SLC25A48: variants seen among roughly 807,000 people sequenced by gnomAD.
The protein encoded by SLC25A48 is CTC-321K16.1.
A neutral mutation model predicts 32.2 loss-of-function variants in SLC25A48; 29 were observed. That is an observed-to-expected ratio of 0.90 (90% CI 0.67 to 1.23). The LOEUF (loss-of-function observed/expected upper bound fraction) is 1.23. Among genes scored for constraint, SLC25A48 ranks in the 50% most tolerant of loss-of-function variants. SLC25A48 has a pLI of 0.00. For synonymous variants in SLC25A48, 164 were observed against 172.3 expected (o/e 0.95, Z 0.38); for missense variants, 399 against 422.7 (o/e 0.94, Z 0.49).
intron 3 of SLC25A48, among the ~76,000 whole-genome samples, chr5:135,697,644 G>A (rs556941638): frequency 2.0e-5 from 3 of 152,278 alleles, no homozygotes; most frequent in African/African-American, 7.2e-5. Context: ...CTACATAACG[G>A]GAAGGTAGAC....
chr5:135,729,441 G>A (rs995028616), intron 3 of SLC25A48, among the ~76,000 whole-genome samples: 1 of 152,038 alleles, frequency 6.6e-6, no homozygotes, highest in Non-Finnish European at 1.5e-5. Flanking sequence ...TCTGAATGTG[G>A]CATTTGTTAG....
At chr5:135,825,865 A>T (rs777136481) in intron 4 of SLC25A48, 2 of 152,124 alleles carry the variant, frequency 1.3e-5, no homozygotes, top group Non-Finnish European at 2.9e-5. Flanking sequence ...CTGCCTTTCC[A>T]TCTGGGAGCC....
In SLC25A48 at chr5:135,886,605, AT is replaced by A. The variant is rs1203841294; in HGVS notation, c.*8-1426del. ...TTTAACCAAATATATATATATATAT[AT>A]ATATATATATATATATATATATATA... On this transcript the variant is annotated intron_variant, in intron 7 of 7. Coordinates refer to ENST00000681962, the MANE Select transcript of SLC25A48 (RefSeq NM_001349336.2). Among the ~76,000 whole-genome samples, 47 of 19,180 alleles carry A rather than the reference AT, an allele frequency of 2.5e-3. 4 individuals are homozygous for A. In the Middle Eastern group the frequency reaches 0.083, roughly 34 times the overall value. 12.6% of individuals were successfully genotyped at this position (19,180 alleles called of 152,430 possible). A position where few individuals can be genotyped will look rare whatever the true frequency, so the allele number is the denominator to read the frequency against.
intron 3 of SLC25A48, among the ~76,000 whole-genome samples, chr5:135,654,250 G>T (rs1753190237): frequency 6.6e-6 from 1 of 152,176 alleles, no homozygotes; most frequent in Admixed American, 6.5e-5. Context: ...GTTTAAAATT[G>T]CAACTGTAGC....
intron 3 of SLC25A48, among the ~76,000 whole-genome samples, chr5:135,637,219 C>T (rs1346551402): frequency 6.6e-6 from 1 of 152,174 alleles, no homozygotes; most frequent in Non-Finnish European, 1.5e-5. Context: ...GGTGAAACAA[C>T]CTACACAGTG....
intron 4 of SLC25A48, among the ~76,000 whole-genome samples, chr5:135,827,786 A>G (rs1758102430): frequency 1.4e-5 from 2 of 147,446 alleles, no homozygotes; most frequent in Admixed American, 1.3e-4. Context: ...GTTGGGAGGT[A>G]TCCAACCCTC....
intron 4 of SLC25A48, among the ~76,000 whole-genome samples, chr5:135,821,326 G>A (rs954475742): frequency 1.3e-5 from 2 of 152,226 alleles, no homozygotes; most frequent in Non-Finnish European, 2.9e-5. Context: ...CTGCCAGCAA[G>A]TGACTGGAGA....
At chr5:135,768,952 C>T (rs776350743) in intron 3 of SLC25A48, among the ~76,000 whole-genome samples, 33 of 151,612 alleles carry the variant, frequency 2.2e-4, no homozygotes, top group African/African-American at 2.9e-4. Flanking sequence ...TGATATTGTT[C>T]GTAATATTCA....
rs1471966137 is a variant in SLC25A48, at chr5:135,783,971, G to A, written c.-520-28552G>A. 9.3e-5 allele frequency among the ~76,000 whole-genome samples: 11 copies of A among 118,056 alleles called. 4 individuals carry two copies. The highest frequency in any genetic ancestry group is 3.5e-4 in the Admixed American group (4 of 11,554). The allele number at this position is 118,056 out of a possible 152,430, so 77.4% of individuals were successfully genotyped here. A position where few individuals can be genotyped will look rare whatever the true frequency, so the allele number is the denominator to read the frequency against. On this transcript the variant is annotated intron_variant, in intron 3 of 10. Transcript: ENST00000646290. Reference sequence around the variant, plus strand: ...TGTTGCTAATAATCAGGGGGGAAAAGGATGATATTGCTCCCAATATCGCAG... The same window carrying A: ...TGTTGCTAATAATCAGGGGGGAAAAAGATGATATTGCTCCCAATATCGCAG...
At chr5:135,776,616 G>A (rs1756569102) in intron 3 of SLC25A48, among the ~76,000 whole-genome samples, 1 of 151,666 alleles carries the variant, frequency 6.6e-6, no homozygotes, top group South Asian at 2.1e-4. Flanking sequence ...ATATCGCAGG[G>A]GATATACACC....
intron 4 of SLC25A48, among the ~76,000 whole-genome samples, chr5:135,853,381 A>G (rs775252120): frequency 2.0e-5 from 3 of 152,232 alleles, no homozygotes; most frequent in Non-Finnish European, 2.9e-5. Flanking sequence ...CATTTTACCC[A>G]CAGTAGAACT....
intron 7 of SLC25A48, among the ~76,000 whole-genome samples, chr5:135,885,188 T>A (rs1306078412): frequency 6.6e-6 from 1 of 152,142 alleles, no homozygotes; most frequent in African/African-American, 2.4e-5. Context: ...ATCAACCACA[T>A]CAGAACTGCC....
intron 1 of SLC25A48, among the ~76,000 whole-genome samples, chr5:135,599,677 G>A (rs982544428): frequency 6.6e-5 from 10 of 152,210 alleles, no homozygotes; most frequent in Non-Finnish European, 1.3e-4. Flanking sequence ...CCACAGACCA[G>A]CACAAGAAGC....
At chr5:135,643,143 G>C (rs1231306445) in intron 3 of SLC25A48, among the ~76,000 whole-genome samples, 2 of 152,204 alleles carry the variant, frequency 1.3e-5, no homozygotes, top group African/African-American at 4.8e-5. Context: ...ACACATCCTT[G>C]GTGGACACGA....
At chr5:135,880,272 C>T in intron 7 of SLC25A48, 175 bp downstream of exon 7, 1 of 922,210 alleles carries the variant, frequency 1.1e-6, no homozygotes, top group Non-Finnish European at 1.6e-6. Context: ...TCAGAAATGC[C>T]CACCAGTGAC....
chr5:135,839,371 T>C (rs954587274), intron 1 of SLC25A48, among the ~76,000 whole-genome samples: 2 of 152,198 alleles, frequency 1.3e-5, no homozygotes, highest in Non-Finnish European at 2.9e-5. Flanking sequence ...GTTGCCCCAC[T>C]GGATTTCAGA....
intron 7 of SLC25A48, among the ~76,000 whole-genome samples, chr5:135,881,893 C>T (rs1027837226): frequency 6.6e-6 from 1 of 152,184 alleles, no homozygotes; most frequent in Non-Finnish European, 1.5e-5. Context: ...ACCATTTTCC[C>T]ATGTCATGAA....
At chr5:135,694,694 TCTC>T (rs1426727321) in intron 3 of SLC25A48, among the ~76,000 whole-genome samples, 1 of 152,184 alleles carries the variant, frequency 6.6e-6, no homozygotes, top group South Asian at 2.1e-4. Flanking sequence ...TTCAAGCAAT[TCTC>T]CTGCTCAGCC....
intron 3 of SLC25A48, among the ~76,000 whole-genome samples, chr5:135,793,427 C>T (rs1417554215): frequency 6.6e-6 from 1 of 151,800 alleles, no homozygotes; most frequent in Non-Finnish European, 1.5e-5. Context: ...AGTTTGTTTA[C>T]ACCATATTTG....
Sources: allele counts gnomAD v4.1 joint callset (sites outside exome capture counted in the v4.1 genomes callset), GRCh38; gene constraint gnomAD v4.1.1; transcripts MANE v1.5; gene names NCBI Gene and HGNC (gene_info 2026-07-23, HGNC 2026-07-21).